Variants in LRRC4C observed in about 807,000 individuals in gnomAD.
The protein encoded by LRRC4C is leucine-rich repeat-containing protein 4C.
Under a neutral mutation model 33.6 loss-of-function variants are expected in LRRC4C, and 5 were observed. The observed-to-expected ratio is 0.15, with a 90% confidence interval of 0.08 to 0.31. LRRC4C has a LOEUF of 0.31. Among genes scored for constraint, LRRC4C ranks in the 10% least tolerant of loss-of-function variants. LRRC4C has a pLI of 1.00. For synonymous variants in LRRC4C, 329 were observed against 302.0 expected, an observed-to-expected ratio of 1.09 and a Z score of -0.93; for missense variants, 560 against 796.7, an observed-to-expected ratio of 0.70 and a Z score of 3.58.
chr11:40,170,915 T>C (rs773991789), intron 5 of LRRC4C, among the ~76,000 whole-genome samples: 12 of 152,336 alleles, frequency 7.9e-5, no homozygotes, highest in Non-Finnish European at 1.6e-4. Flanking sequence ...TCTCAGAGCC[T>C]TTTACACGCT....
At chr11:41,140,329 G>GA (rs1460115070) in intron 1 of LRRC4C, among the ~76,000 whole-genome samples, 1 of 140,276 alleles carries the variant, frequency 7.1e-6, no homozygotes, top group Non-Finnish European at 1.6e-5. Flanking sequence ...AGATTCAAGG[G>GA]TGCCTCTTTG....
intron 1 of LRRC4C, among the ~76,000 whole-genome samples, chr11:41,205,541 A>G (rs568836026): frequency 7.2e-5 from 11 of 152,350 alleles, no homozygotes. Flanking sequence ...TCTAAATCAC[A>G]GAGTCAATAC....
intron 2 of LRRC4C, among the ~76,000 whole-genome samples, chr11:40,750,638 A>C (rs1269743426): frequency 8.2e-6 from 1 of 121,486 alleles, no homozygotes; most frequent in South Asian, 2.8e-4. Context: ...GGAACATCAC[A>C]CATCGGGACT....
At chr11:40,983,811 C>A (rs993196760) in intron 1 of LRRC4C, among the ~76,000 whole-genome samples, 1 of 152,054 alleles carries the variant, frequency 6.6e-6, no homozygotes, top group African/African-American at 2.4e-5. Flanking sequence ...TCACACCATT[C>A]AGAATAGATA....
chr11:40,816,709 G>C (rs568218068), intron 2 of LRRC4C, among the ~76,000 whole-genome samples: 200 of 152,226 alleles, frequency 1.3e-3, no homozygotes, highest in Non-Finnish European at 1.2e-3. Flanking sequence ...GTAAGTTTTA[G>C]AGGGCCATTT....
chr11:40,215,750 C>T (rs1456152501), intron 5 of LRRC4C, among the ~76,000 whole-genome samples: 1 of 152,108 alleles, frequency 6.6e-6, no homozygotes, highest in Non-Finnish European at 1.5e-5. Context: ...GAAATTTCCA[C>T]ATAGAGTGCA....
chr11:40,679,951 AGCCATGGACACTCAAC>A (rs1370182130), intron 2 of LRRC4C, among the ~76,000 whole-genome samples: 1 of 152,200 alleles, frequency 6.6e-6, no homozygotes, highest in African/African-American at 2.4e-5. Context: ...CACCTGGAAC[AGCCATGGACACTCAAC>A]GCCAGCCCGT....
intron 5 of LRRC4C, among the ~76,000 whole-genome samples, chr11:40,228,855 T>C (rs1864995023): frequency 6.6e-6 from 1 of 152,214 alleles, no homozygotes; most frequent in South Asian, 2.1e-4. Context: ...AAGTGATCTG[T>C]TTAGGTTGGC....
At chr11:40,735,887 A>G (rs1325699010) in intron 2 of LRRC4C, among the ~76,000 whole-genome samples, 2 of 150,588 alleles carry the variant, frequency 1.3e-5, no homozygotes, top group African/African-American at 2.4e-5. Flanking sequence ...TGTGGTTTTG[A>G]TTTGCATTTC....
rs76101862 is a variant in LRRC4C, at chr11:40,904,230, G to A, written c.-407+29405C>T. ...CACCTCCTATTTGAAAGCTACCATA[G>A]CTTCTTTCCAGGCAATTAATTCAGA... On this transcript the variant is annotated intron_variant, in intron 2 of 6. Coordinates refer to ENST00000528697, the MANE Select transcript of LRRC4C (RefSeq NM_001258419.2). 1.9e-3 allele frequency among the ~76,000 whole-genome samples: 294 copies of A among 152,144 alleles called. 1 individual carries two copies. The highest frequency in any genetic ancestry group is 6.7e-3 in the African/African-American group (279 of 41,510).
intron 1 of LRRC4C, among the ~76,000 whole-genome samples, chr11:41,195,264 T>C (rs529220762): frequency 7.2e-5 from 11 of 152,262 alleles, no homozygotes; most frequent in African/African-American, 2.6e-4. Context: ...AAATTAGTCT[T>C]GTCAGAACTT....
rs1943588413 is a variant in LRRC4C at position 41,143,237 on chromosome 11, A to AAAAAATG, written c.-495-209521_-495-209515dup. Among the ~76,000 whole-genome samples, 4 of 152,152 alleles carry AAAAAATG rather than the reference A, an allele frequency of 2.6e-5. No individual in the cohort carries two copies. In the South Asian group the frequency reaches 6.2e-4, roughly 24 times the overall value. On this transcript the variant is annotated intron_variant, in intron 1 of 6. Transcript: ENST00000528697. The stretch of plus-strand genomic sequence containing the variant: ...TAAAAGTGAAGCAAAACTCAAAAAA[A>AAAAAATG]AAAAATGAATGCATGTCATCTTTGG...
intron 3 of LRRC4C, among the ~76,000 whole-genome samples, chr11:40,393,430 A>G (rs1170941317): frequency 6.6e-6 from 1 of 152,194 alleles, no homozygotes; most frequent in Admixed American, 6.5e-5. Flanking sequence ...CTATTGACAC[A>G]TTAAGAATGT....
chr11:40,816,061 C>T (rs914092573), intron 2 of LRRC4C, among the ~76,000 whole-genome samples: 1 of 152,156 alleles, frequency 6.6e-6, no homozygotes. Flanking sequence ...CAGAAATCAG[C>T]CACTTTTACT....
intron 5 of LRRC4C, among the ~76,000 whole-genome samples, chr11:40,152,157 G>C (rs1858269828): frequency 6.6e-6 from 1 of 152,196 alleles, no homozygotes; most frequent in Admixed American, 6.5e-5. Context: ...AGGAAGGGGA[G>C]ACCCTCCTCT....
chr11:41,114,191 T>C (rs1317057586), intron 1 of LRRC4C, among the ~76,000 whole-genome samples: 1 of 152,066 alleles, frequency 6.6e-6, no homozygotes, highest in Non-Finnish European at 1.5e-5. Context: ...AGCACTGGAA[T>C]ACTATAAAAT....
At chr11:40,801,527 G>A (rs373441043) in intron 2 of LRRC4C, among the ~76,000 whole-genome samples, 6 of 152,056 alleles carry the variant, frequency 3.9e-5, no homozygotes, top group East Asian at 3.9e-4. Context: ...CACCTATTTT[G>A]TTTACCACTG....
At chr11:41,370,184 T>G (rs1475610862) in intron 1 of LRRC4C, among the ~76,000 whole-genome samples, 86 of 152,226 alleles carry the variant, frequency 5.6e-4, no homozygotes, top group Non-Finnish European at 1.2e-4. Context: ...TATTTCATTA[T>G]TTATTTTATT....
chr11:40,309,716 A>G (rs1197638421), intron 4 of LRRC4C, among the ~76,000 whole-genome samples: 1 of 152,160 alleles, frequency 6.6e-6, no homozygotes, highest in African/African-American at 2.4e-5. Flanking sequence ...CATGTAGCCC[A>G]GGCTGGTCTC....
Sources: gnomAD v4.1 joint callset for allele counts (sites outside exome capture counted in the v4.1 genomes callset) on GRCh38, gnomAD v4.1.1 for gene constraint, MANE v1.5 for transcripts, NCBI Gene and HGNC (gene_info 2026-07-23, HGNC 2026-07-21) for gene names.